The following BICRA variants were observed in gnomAD, a reference collection of about 807,000 sequenced individuals.
The protein encoded by BICRA is BRD4-interacting chromatin-remodeling complex-associated protein.
Under a neutral mutation model 96.9 loss-of-function variants are expected in BICRA, and 31 were observed. The observed-to-expected ratio is 0.32, with a 90% CI of 0.24 to 0.43. The LOEUF is 0.43. Ranked by LOEUF, BICRA falls within the 20% of genes least tolerant of loss-of-function variation. The probability of loss-of-function intolerance (pLI) is 1.00; values close to 1 mark genes in which losing one functional copy is unlikely to be tolerated. For synonymous variants in BICRA, 1,350 were observed against 1,071.8 expected (o/e 1.26, Z -5.07); for missense variants, 2,283 against 2,190.3 (o/e 1.04, Z -0.84).
chr19:47,639,319 ATTTTTTTTTTT>A (rs35509834), intron 1 of BICRA, among the ~76,000 whole-genome samples: 1 of 52,368 alleles, frequency 1.9e-5, no homozygotes, highest in Non-Finnish European at 3.2e-5. Context: ...CCCACCCTGC[ATTTTTTTTTTT>A]TTTTTTTTTT....
chr19:47,614,667 G>A (rs1250519101), intron 1 of BICRA, among the ~76,000 whole-genome samples: 1 of 152,192 alleles, frequency 6.6e-6, no homozygotes, highest in South Asian at 2.1e-4. Context: ...ATCTTACACA[G>A]ATGGTAGTCT....
rs1398479675 is a variant in BICRA at position 47,667,167 on chromosome 19, C to T, written c.-107-3276C>T. On this transcript the variant is annotated intron_variant, in intron 1 of 14. Transcript: ENST00000594866. The stretch of plus-strand genomic sequence containing the variant: ...CCGAGTCGCTAGGACTACAGGCGCC[C>T]ACCCCCACGCCGGGCTCATTTTTTG... Among the ~76,000 whole-genome samples the T allele has an allele frequency of 2.6e-5, 4 of 152,248 alleles. No individual in the cohort carries two copies. In the East Asian group the frequency reaches 7.7e-4, roughly 29 times the overall value.
chr19:47,701,944 G>A lies in BICRA; in HGVS notation c.4212G>A (p.Thr1404=), dbSNP rs1406839386. ...GGGGCCCTGGCGCGCCGGAGGGGAC[G>A]CCCGCAGGCAGGGCACGGGGAGGCA... ...NVGGPGAPEG[T]PAGRARGGSP... Residue 1404 remains threonine (T), a synonymous_variant, in exon 15 of 15, where the codon ACG becomes ACA. Transcript: ENST00000594866. The surrounding 1 kb of genome is among the most constrained non-coding windows in gnomAD (Gnocchi z 5.4). 4 of 1,438,108 alleles carry A rather than the reference G, an allele frequency of 2.8e-6. No individual in the cohort carries two copies. Among genetic ancestry groups the A allele is most frequent in the African/African-American group, 1.5e-5 (1 of 66,238 alleles). The allele number at this position is 1,438,108 out of a possible 1,614,324, so 89.1% of individuals were successfully genotyped here. A position where few individuals can be genotyped will look rare whatever the true frequency, so the allele number is the denominator to read the frequency against.
At position 47,680,946 on chromosome 19, in the gene BICRA, C is replaced by A; in HGVS notation, c.1776C>A (p.Ala592=). The A allele has an allele frequency of 6.8e-7, 1 of 1,481,184 alleles. No individual in the cohort carries two copies. Among genetic ancestry groups the A allele is most frequent in the Non-Finnish European group, 8.9e-7 (1 of 1,125,984 alleles). 91.8% of individuals were successfully genotyped at this position (1,481,184 alleles called of 1,614,324 possible). Residue 592 remains alanine, a synonymous_variant, in exon 6 of 15, where the codon GCC becomes GCA. Coordinates refer to ENST00000594866, the MANE Select transcript of BICRA (RefSeq NM_001394372.1). ...VLQGVTLPPS[A]VAMLNTPDGL... is the part of the protein sequence containing the mutation. ...AGGGGGTCACCCTGCCCCCCAGCGC[C>A]GTGGCCATGCTCAACACCCCCGACG... is the stretch of plus-strand genomic sequence containing the variant.
intron 7 of BICRA, among the ~76,000 whole-genome samples, chr19:47,691,637 C>A (rs913776036): frequency 6.6e-6 from 1 of 152,172 alleles, no homozygotes; most frequent in African/African-American, 2.4e-5. Flanking sequence ...AATCTTGGCT[C>A]ACTGTAGCCT....
chr19:47,642,312 C>T (rs10402923), intron 1 of BICRA, among the ~76,000 whole-genome samples: 51,237 of 152,044 alleles, frequency 0.34, 9,046 homozygotes, highest in East Asian at 0.59. Context: ...CATGCCTGTA[C>T]GAGTCTTTGT....
chr19:47,685,793 G>GCGCGCGCT (rs1973146207), intron 7 of BICRA, among the ~76,000 whole-genome samples: 2 of 144,198 alleles, frequency 1.4e-5, no homozygotes, highest in African/African-American at 2.5e-5. Flanking sequence ...GTGTGCGCGC[G>GCGCGCGCT]CGCGCGCATG....
At chr19:47,657,578 A>G (rs1316383456) in intron 1 of BICRA, among the ~76,000 whole-genome samples, 1 of 151,742 alleles carries the variant, frequency 6.6e-6, no homozygotes, top group Non-Finnish European at 1.5e-5. Context: ...TTGTATTTTT[A>G]GTAAAGACGG....
intron 1 of BICRA, among the ~76,000 whole-genome samples, chr19:47,613,576 C>T (rs761067896): frequency 1.4e-4 from 22 of 152,186 alleles, no homozygotes; most frequent in Non-Finnish European, 3.1e-4. Context: ...ATGACAACTG[C>T]TGCCTGCTCC....
intron 5 of BICRA, among the ~76,000 whole-genome samples, chr19:47,678,550 G>T (rs1019318887): frequency 2.0e-5 from 3 of 152,122 alleles, no homozygotes; most frequent in Non-Finnish European, 4.4e-5. Context: ...GCTGAGGCCT[G>T]GGGCCACCAC....
Position 47,701,048 on chromosome 19 carries a change from G to C in BICRA, c.3596-280G>C, listed in dbSNP as rs1973433503. On this transcript the variant is annotated intron_variant, in intron 14 of 14. Coordinates refer to ENST00000594866, the MANE Select transcript of BICRA (RefSeq NM_001394372.1). The surrounding 1 kb of genome is among the most constrained non-coding windows in gnomAD (Gnocchi z 5.4). ...CTCCCTTGGCCTCCCAAAGTGCTGG[G>C]ATTACAGGCCTGAGCCTTGTTTTGT... 2.1e-6 allele frequency: 1 copy of C among 473,164 alleles called. No homozygotes were observed. Among genetic ancestry groups the C allele is most frequent in the Non-Finnish European group, 3.7e-6 (1 of 267,366 alleles). The allele number at this position is 473,164 out of a possible 1,614,324, so 29.3% of individuals were successfully genotyped here. A position where few individuals can be genotyped will look rare whatever the true frequency, so the allele number is the denominator to read the frequency against.
At chr19:47,615,670 A>G (rs1971974323) in intron 1 of BICRA, 1 of 152,168 alleles carries the variant, frequency 6.6e-6, no homozygotes, top group African/African-American at 2.4e-5. Flanking sequence ...CTTGTCAGTC[A>G]GTGTCGGTGT....
At position 47,702,287 on chromosome 19, in the gene BICRA, C is replaced by A; in HGVS notation, c.4555C>A (p.Pro1519Thr). Reference sequence around the variant, plus strand: ...CCTGCAGCAGGCCCCCGGCCGGACGCCCGCGCCCTCGTACCCCCACGCTGC... The same window carrying A: ...CCTGCAGCAGGCCCCCGGCCGGACGACCGCGCCCTCGTACCCCCACGCTGC... ...LNLQQAPGRT[P>T]APSYPHAASA... is the part of the protein sequence containing the mutation. Residue 1519 changes from proline to threonine, a missense_variant, in exon 15 of 15, where the codon CCC becomes ACC. Coordinates refer to ENST00000594866, the MANE Select transcript of BICRA (RefSeq NM_001394372.1). The A allele has an allele frequency of 6.3e-7, 1 of 1,593,384 alleles. No individual in the cohort carries two copies. The highest frequency in any genetic ancestry group is 8.5e-7 in the Non-Finnish European group (1 of 1,176,088).
intron 7 of BICRA, among the ~76,000 whole-genome samples, chr19:47,682,972 C>A (rs1973090008): frequency 6.6e-6 from 1 of 152,066 alleles, no homozygotes; most frequent in Admixed American, 6.6e-5. Flanking sequence ...GTGCCTGGCC[C>A]CATTCTTCAT....
Position 47,698,823 on chromosome 19 carries a change from A to G in BICRA, c.3397+41A>G. ...GACACGGCCCTATATGTCCCAGGGGACCCCAGCCCGTGGGGCGGGGCGTCG... is the reference window on the plus strand; with the variant it reads ...GACACGGCCCTATATGTCCCAGGGGGCCCCAGCCCGTGGGGCGGGGCGTCG... On this transcript the variant is annotated intron_variant, in intron 12 of 14. Transcript: ENST00000594866. This position sits in a 1 kb window ranked among gnomAD's most constrained non-coding sequence, Gnocchi z 4.8. 1.4e-5 allele frequency: 22 copies of G among 1,524,468 alleles called. No individual in the cohort carries two copies. The highest frequency in any genetic ancestry group is 2.0e-5 in the Non-Finnish European group (22 of 1,118,712). 94.4% of individuals were successfully genotyped at this position (1,524,468 alleles called of 1,614,324 possible).
chr19:47,672,171 A>G (rs1972876413), intron 2 of BICRA, among the ~76,000 whole-genome samples: 1 of 123,856 alleles, frequency 8.1e-6, no homozygotes, highest in Non-Finnish European at 1.7e-5. Flanking sequence ...AGATGGATGG[A>G]AGGATGGAGG....
chr19:47,698,512 A>AT lies in BICRA; in HGVS notation c.3249-120dup. On this transcript the variant is annotated intron_variant, in intron 11 of 14. Transcript: ENST00000594866. This position sits in a 1 kb window ranked among gnomAD's most constrained non-coding sequence, Gnocchi z 4.8. ...TACATGGGAACACCACTGCCCAAGT[A>AT]TTCCCCTTCCCGCTGTTGTGTTCAG... 1.5e-6 allele frequency: 1 copy of AT among 661,442 alleles called. No individual in the cohort carries two copies. The highest frequency in any genetic ancestry group is 2.5e-5 in the East Asian group (1 of 39,536). The allele number at this position is 661,442 out of a possible 1,614,324, so 41.0% of individuals were successfully genotyped here.
intron 1 of BICRA, among the ~76,000 whole-genome samples, chr19:47,631,169 C>T (rs943377308): frequency 6.6e-6 from 1 of 152,144 alleles, no homozygotes; most frequent in Non-Finnish European, 1.5e-5. Flanking sequence ...GATTCTTTCA[C>T]CTCAGCCTCC....
chr19:47,624,091 T>C (rs1256791259), intron 1 of BICRA, among the ~76,000 whole-genome samples: 1 of 152,082 alleles, frequency 6.6e-6, no homozygotes. Context: ...CCTCAGATGA[T>C]CCGCCCACCT....
Sources: gnomAD v4.1 joint callset for allele counts (sites outside exome capture counted in the v4.1 genomes callset) on GRCh38, gnomAD v4.1.1 for gene constraint, Gnocchi (gnomAD v3.1) non-coding constraint, MANE v1.5 for transcripts, NCBI Gene and HGNC (gene_info 2026-07-23, HGNC 2026-07-21) for gene names.